The following LAMC3 variants were observed in gnomAD, a reference collection of about 807,000 sequenced individuals.
LAMC3 encodes laminin subunit gamma-3.
In LAMC3, 128 loss-of-function variants were observed where a neutral mutation model predicts 173.8. That is an observed-to-expected ratio of 0.74 (90% CI 0.64 to 0.85). The LOEUF (loss-of-function observed/expected upper bound fraction) is 0.85. Among genes scored for constraint, LAMC3 ranks in the 40% least tolerant of loss-of-function variants. LAMC3 has a pLI of 0.00. For missense variants in LAMC3, 2,022 were observed against 2,156.0 expected (o/e 0.94, Z 1.23); for synonymous variants, 897 against 909.1 (o/e 0.99, Z 0.24).
intron 22 of LAMC3, among the ~76,000 whole-genome samples, chr9:131,077,842 C>G (rs1198660155): frequency 6.6e-6 from 1 of 151,976 alleles, no homozygotes; most frequent in Non-Finnish European, 1.5e-5. Context: ...CAGAGCTCAA[C>G]CATTTCAACC....
intron 8 of LAMC3, 46 bp from the exon 9 acceptor site, chr9:131,048,974 T>G: frequency 7.8e-7 from 1 of 1,282,110 alleles, no homozygotes; most frequent in Non-Finnish European, 1.1e-6. Context: ...GAGACCACCC[T>G]CCGGGGCCTC....
At chr9:131,075,399 C>A (rs1349525428) in intron 20 of LAMC3, among the ~76,000 whole-genome samples, 2 of 151,932 alleles carry the variant, frequency 1.3e-5, no homozygotes, top group Non-Finnish European at 1.5e-5. Flanking sequence ...TGTGGTGAGA[C>A]CCTGTCTCTA....
rs78650760 is a variant in LAMC3, at chr9:131,067,231, G to T, written c.2593+26G>T. ...GTGAGTACCTACCTCCAGACCCCAG[G>T]GTGGCACATGGTGGGCCCCTTCTCT... On this transcript the variant is annotated intron_variant, in intron 14 of 27. Coordinates refer to ENST00000361069, the MANE Select transcript of LAMC3 (RefSeq NM_006059.4). 1.6e-5 allele frequency: 25 copies of T among 1,611,504 alleles called. No homozygotes were observed. In the East Asian group the frequency reaches 4.9e-4, roughly 32 times the overall value.
intron 23 of LAMC3, chr9:131,080,310 G>A (rs1830215811): frequency 1.1e-5 from 1 of 88,566 alleles, no homozygotes; most frequent in South Asian, 4.0e-4. Context: ...TTTTTTTTGA[G>A]ACAGACTCTT....
At chr9:131,030,475 G>A (rs1013725393) in intron 2 of LAMC3, among the ~76,000 whole-genome samples, 1 of 152,202 alleles carries the variant, frequency 6.6e-6, no homozygotes, top group Admixed American at 6.5e-5. Context: ...GACACAGGAA[G>A]GCAGACCAGC....
In LAMC3 at chr9:131,038,748, C is replaced by G. The variant is rs7020182; in HGVS notation, c.977-116C>G. On this transcript the variant is annotated intron_variant, in intron 4 of 27. Coordinates refer to ENST00000361069, the MANE Select transcript of LAMC3 (RefSeq NM_006059.4). ...CCTGAACTCCATTCTGGACCATGCT[C>G]TTGCCCTTCTCTTTGCACTGCCTGC... is the stretch of plus-strand genomic sequence containing the variant. 0.1 allele frequency: 107,180 copies of G among 1,063,614 alleles called. 15,306 individuals are homozygous for G. Among genetic ancestry groups the G allele is most frequent in the African/African-American group, 0.6 (38,741 of 64,538 alleles). The allele number at this position is 1,063,614 out of a possible 1,614,324, so 65.9% of individuals were successfully genotyped here.
intron 22 of LAMC3, among the ~76,000 whole-genome samples, chr9:131,077,987 C>G (rs1175600459): frequency 6.6e-6 from 1 of 152,148 alleles, no homozygotes; most frequent in Non-Finnish European, 1.5e-5. Context: ...ACTTTCCCTT[C>G]CTGAGCCTCA....
In LAMC3 at chr9:131,075,903, G is replaced by C. The variant is rs565014103; in HGVS notation, c.3567G>C (p.Ala1189=). ...RALLASNTSY[A]LLWNLLEGRV... is the part of the protein sequence containing the mutation. ...TGCTCGCCTCCAACACCAGCTACGCGCTTCTCTGGAATCTGCTGGAGGGAA... is the reference window on the plus strand; with the variant it reads ...TGCTCGCCTCCAACACCAGCTACGCCCTTCTCTGGAATCTGCTGGAGGGAA... The change falls in exon 21 of 28, where the codon GCG becomes GCC. Residue 1189 remains alanine, a synonymous_variant. Transcript: ENST00000361069. The C allele has an allele frequency of 1.2e-6, 2 of 1,612,204 alleles. No homozygotes were observed. Among genetic ancestry groups the C allele is most frequent in the Non-Finnish European group, 8.5e-7 (1 of 1,179,014 alleles).
chr9:131,032,227 G>T, intron 3 of LAMC3, 52 bp downstream of exon 3: 3 of 628,394 alleles, frequency 4.8e-6, no homozygotes, highest in South Asian at 2.8e-5. Context: ...CCAAACCCGA[G>T]AGCGGAAGGT....
At chr9:131,059,556 C>G (rs2872822) in intron 12 of LAMC3, among the ~76,000 whole-genome samples, 89,582 of 146,648 alleles carry the variant, frequency 0.61, 28,577 homozygotes, top group Non-Finnish European at 0.7. Context: ...GCAAGCACAA[C>G]CACACGCCAC....
intron 8 of LAMC3, among the ~76,000 whole-genome samples, chr9:131,047,724 G>A (rs1378417131): frequency 6.6e-6 from 1 of 151,118 alleles, no homozygotes. Context: ...TTAGCCAGGC[G>A]TGGTGGCCAG....
At chr9:131,025,287 G>T (rs1833695894) in intron 1 of LAMC3, among the ~76,000 whole-genome samples, 1 of 152,142 alleles carries the variant, frequency 6.6e-6, no homozygotes, top group African/African-American at 2.4e-5. Context: ...GACATCCCAT[G>T]AGGGAAGAGG....
At chr9:131,056,769 G>A (rs977135084) in intron 11 of LAMC3, among the ~76,000 whole-genome samples, 160 bp from the exon 12 acceptor site, 2 of 152,182 alleles carry the variant, frequency 1.3e-5, no homozygotes, top group African/African-American at 4.8e-5. Context: ...TAGCCTGAGT[G>A]ACAGAATGAG....
At chr9:131,054,464 G>T (rs745710690) in intron 11 of LAMC3, among the ~76,000 whole-genome samples, 32 of 152,108 alleles carry the variant, frequency 2.1e-4, no homozygotes, top group Admixed American at 5.9e-4. Flanking sequence ...ATAGAAATGT[G>T]ATTACACAGC....
Position 131,081,608 on chromosome 9 carries a change from A to G in LAMC3, c.3928-451A>G, listed in dbSNP as rs756526871. 6.2e-4 allele frequency among the ~76,000 whole-genome samples: 94 copies of G among 152,212 alleles called. 1 individual carries two copies. The highest frequency in any genetic ancestry group is 9.6e-4 in the Non-Finnish European group (65 of 68,004). On this transcript the variant is annotated intron_variant, in intron 23 of 27. Transcript: ENST00000361069. ...GCCTCAGCCTCCCCCAGTAGCTGGG[A>G]TTGCAGGCATGCACCACCACACCTA...
chr9:131,032,959 C>T (rs1564368780), intron 3 of LAMC3, among the ~76,000 whole-genome samples: 1 of 152,226 alleles, frequency 6.6e-6, no homozygotes, highest in African/African-American at 2.4e-5. Context: ...TGAGCCACGG[C>T]CCCCTTCCCC....
chr9:131,081,942 G>A lies in LAMC3; in HGVS notation c.3928-117G>A, dbSNP rs528072642. 731 of 733,880 alleles carry A rather than the reference G, an allele frequency of 1.0e-3. 11 individuals carry two copies. Among genetic ancestry groups the A allele is most frequent in the Non-Finnish European group, 2.1e-4 (88 of 409,640 alleles). 45.5% of individuals were successfully genotyped at this position (733,880 alleles called of 1,614,324 possible). A position where few individuals can be genotyped will look rare whatever the true frequency, so the allele number is the denominator to read the frequency against. ...CTCCTGGTGGACAGCGTGACCCAGC[G>A]TCAGGGATTTGGTGATGATTTGGGC... On this transcript the variant is annotated intron_variant, in intron 23 of 27. Transcript: ENST00000361069.
Position 131,009,380 on chromosome 9 carries a change from A to G in LAMC3, c.166A>G (p.Ser56Gly). Residue 56 changes from serine (S) to glycine (G), a missense_variant, in exon 1 of 28, where the codon AGC becomes GGC. Physicochemically the swap from Ser to Gly is moderately conservative, Grantham distance 56. Coordinates refer to ENST00000361069, the MANE Select transcript of LAMC3 (RefSeq NM_006059.4). The surrounding 1 kb of genome is among the most constrained non-coding windows in gnomAD (Gnocchi z 4.3). ...RLAQASHTCGSPPEDFCPHVG... is the reference protein window; with the variant it reads ...RLAQASHTCGGPPEDFCPHVG... Reference sequence around the variant, plus strand: ...CGCCCAGGCCTCGCACACGTGCGGCAGCCCGCCCGAGGACTTCTGTCCCCA... The same window carrying G: ...CGCCCAGGCCTCGCACACGTGCGGCGGCCCGCCCGAGGACTTCTGTCCCCA... The G allele has an allele frequency of 6.5e-7, 1 of 1,527,368 alleles. No homozygotes were observed. Among genetic ancestry groups the G allele is most frequent in the Admixed American group, 2.0e-5 (1 of 50,004 alleles). 94.6% of individuals were successfully genotyped at this position (1,527,368 alleles called of 1,614,324 possible).
At chr9:131,074,281 G>A (rs988775016) in intron 20 of LAMC3, among the ~76,000 whole-genome samples, 6 of 151,978 alleles carry the variant, frequency 3.9e-5, no homozygotes, top group African/African-American at 1.4e-4. Context: ...CCACATTGTG[G>A]CATGGGTGAG....
Sources: allele counts gnomAD v4.1 joint callset (sites outside exome capture counted in the v4.1 genomes callset), GRCh38; gene constraint gnomAD v4.1.1; non-coding constraint Gnocchi (gnomAD v3.1); transcripts MANE v1.5; gene names NCBI Gene and HGNC (gene_info 2026-07-23, HGNC 2026-07-21).